Variants in SNAP29 observed in about 807,000 individuals in gnomAD.
SNAP29 encodes synaptosomal-associated protein 29.
In SNAP29, 13 loss-of-function variants were observed where a neutral mutation model predicts 27.9. That is an observed-to-expected ratio of 0.47 (90% CI 0.30 to 0.74). The LOEUF is 0.74. Among genes scored for constraint, SNAP29 ranks in the 30% least tolerant of loss-of-function variants. SNAP29 has a pLI of 0.06. For synonymous variants in SNAP29, 119 were observed against 127.1 expected (o/e 0.94, Z 0.43); for missense variants, 368 against 336.5 (o/e 1.09, Z -0.73).
Position 20,870,359 on chromosome 22 carries a change from T to A in SNAP29, c.260T>A (p.Val87Asp). 6.2e-6 allele frequency: 10 copies of A among 1,613,316 alleles called. No individual in the cohort carries two copies. The highest frequency in any genetic ancestry group is 8.5e-6 in the Non-Finnish European group (10 of 1,179,794). Residue 87 changes from valine to aspartate, a missense_variant, in exon 2 of 5, where the codon GTC (valine) becomes GAC (aspartate). Physicochemically the swap from Val to Asp is radical, Grantham distance 152. Coordinates refer to ENST00000215730, the MANE Select transcript of SNAP29 (RefSeq NM_004782.4). ...SSEELARQRG[V>D]LERTEKMVDK... The stretch of plus-strand genomic sequence containing the variant: ...CAGGAGCTCGCCCGTCAGCGAGGAG[T>A]CCTGGAGCGCACAGAGAAGATGGTG...
At chr22:20,870,641 T>C in intron 2 of SNAP29, 108 bp downstream of exon 2, 2 of 974,110 alleles carry the variant, frequency 2.1e-6, no homozygotes, top group South Asian at 2.8e-5. Context: ...CCAACAACCC[T>C]TTAAGTTACT....
rs565991534 is a variant in SNAP29 at position 20,884,186 on chromosome 22, A to G, written c.619+617A>G. On this transcript the variant is annotated intron_variant, in intron 4 of 4. Transcript: ENST00000215730. ...TGTCTCTACTAAAAATACAAAAATT[A>G]GCCGGGCGTGGTGGCAGGCGCCTGT... Among the ~76,000 whole-genome samples, 994 of 152,042 alleles carry G rather than the reference A, an allele frequency of 6.5e-3. 14 individuals carry two copies. The highest frequency in any genetic ancestry group is 0.023 in the African/African-American group (946 of 41,478).
Position 20,870,507 on chromosome 22 carries a change from C to T in SNAP29, c.408C>T (p.Gly136=), listed in dbSNP as rs760921766. The part of the protein sequence containing the change: ...KPVETPPEQN[G]TLTSQPNNRL... ...TAGAGACCCCACCTGAACAGAATGG[C>T]ACCCTCACCTCCCAGCCCAACAACA... Residue 136 remains glycine, a synonymous_variant, in exon 2 of 5, where the codon GGC becomes GGT. Coordinates refer to ENST00000215730, the MANE Select transcript of SNAP29 (RefSeq NM_004782.4). The T allele has an allele frequency of 6.2e-7, 1 of 1,614,096 alleles. No homozygotes were observed. Among genetic ancestry groups the T allele is most frequent in the Admixed American group, 1.7e-5 (1 of 60,004 alleles).
intron 3 of SNAP29, 21 bp from the exon 4 acceptor site, chr22:20,883,450 G>A: frequency 1.4e-6 from 2 of 1,459,112 alleles, no homozygotes; most frequent in Non-Finnish European, 1.9e-6. Flanking sequence ...CCGCTCTCCT[G>A]GTGTTTCCTT....
intron 3 of SNAP29, among the ~76,000 whole-genome samples, chr22:20,883,243 C>T (rs917652522): frequency 1.3e-5 from 2 of 152,146 alleles, no homozygotes; most frequent in Non-Finnish European, 2.9e-5. Context: ...GGTGTTTGAT[C>T]TCCCAAGTAC....
rs1569122227 is a variant in SNAP29, at chr22:20,888,342, CA to C, written c.*507del. 1 of 186,216 alleles carries C rather than the reference CA, an allele frequency of 5.4e-6. No individual in the cohort carries two copies. Among genetic ancestry groups the C allele is most frequent in the Non-Finnish European group, 1.0e-5 (1 of 95,674 alleles). The allele number at this position is 186,216 out of a possible 1,614,324, so 11.5% of individuals were successfully genotyped here. A position where few individuals can be genotyped will look rare whatever the true frequency, so the allele number is the denominator to read the frequency against. ...ACACACACACACACACACACACACACACACACACACACACTCTCTGAGCACA... is the reference window on the plus strand; with the variant it reads ...ACACACACACACACACACACACACACCACACACACACACTCTCTGAGCACA... On this transcript the variant is annotated 3_prime_UTR_variant, in exon 5 of 5. Transcript: ENST00000215730.
intron 2 of SNAP29, among the ~76,000 whole-genome samples, chr22:20,874,349 CCACACACACACACA>C (rs361854): frequency 0.36 from 43,712 of 123,012 alleles, 7,451 homozygotes; most frequent in Admixed American, 0.42. Context: ...CGAAAATTAG[CCACACACACACACA>C]CACACACACA....
chr22:20,867,594 T>G (rs902000361), intron 1 of SNAP29, among the ~76,000 whole-genome samples: 2 of 152,158 alleles, frequency 1.3e-5, no homozygotes, highest in African/African-American at 4.8e-5. Context: ...CCTCATGACC[T>G]CTGGTGAACA....
intron 2 of SNAP29, among the ~76,000 whole-genome samples, chr22:20,872,403 CTAATTCTTTTT>C (rs961247774): frequency 8.8e-6 from 1 of 114,284 alleles, no homozygotes; most frequent in African/African-American, 3.7e-5. Context: ...CCATGCCTGG[CTAATTCTTTTT>C]TTTTGAGACG....
chr22:20,874,349 CCACA>C (rs361854), intron 2 of SNAP29, among the ~76,000 whole-genome samples: 1,375 of 123,508 alleles, frequency 0.011, 23 homozygotes, highest in Middle Eastern at 0.016. Flanking sequence ...CGAAAATTAG[CCACA>C]CACACACACA....
chr22:20,862,129 A>G (rs943015493), intron 1 of SNAP29, among the ~76,000 whole-genome samples: 3 of 152,238 alleles, frequency 2.0e-5, no homozygotes, highest in South Asian at 2.1e-4. Context: ...CTGGATTCCT[A>G]TGTTCCATTC....
chr22:20,886,008 G>C (rs997631220), intron 4 of SNAP29, among the ~76,000 whole-genome samples: 1 of 152,170 alleles, frequency 6.6e-6, no homozygotes, highest in East Asian at 1.9e-4. Flanking sequence ...CTGGCTGCCA[G>C]TGAGCTTCCT....
At chr22:20,874,296 T>C (rs1047892513) in intron 2 of SNAP29, among the ~76,000 whole-genome samples, 1 of 142,446 alleles carries the variant, frequency 7.0e-6, no homozygotes, top group Non-Finnish European at 1.5e-5. Context: ...AGCAAGACTC[T>C]GACACACACA....
intron 1 of SNAP29, among the ~76,000 whole-genome samples, chr22:20,865,457 C>T (rs1309407516): frequency 1.3e-5 from 2 of 152,192 alleles, no homozygotes; most frequent in African/African-American, 4.8e-5. Context: ...GAGCTTCTGG[C>T]TTCTCCTTCC....
chr22:20,877,588 C>T (rs1213539895), intron 2 of SNAP29, among the ~76,000 whole-genome samples: 2 of 151,936 alleles, frequency 1.3e-5, no homozygotes, highest in Non-Finnish European at 2.9e-5. Flanking sequence ...TAGTGGCGCT[C>T]ACCTATAATC....
chr22:20,874,179 AAATGTGT>A (rs1555914182), intron 2 of SNAP29, among the ~76,000 whole-genome samples: 1 of 147,490 alleles, frequency 6.8e-6, no homozygotes, highest in Non-Finnish European at 1.5e-5. Context: ...GGAGGGTGAG[AAATGTGT>A]ATGGCGTGAA....
chr22:20,884,586 T>A (rs2147872908), intron 4 of SNAP29, among the ~76,000 whole-genome samples: 1 of 152,234 alleles, frequency 6.6e-6, no homozygotes, highest in South Asian at 2.1e-4. Context: ...TATGGCCTCC[T>A]CTCCCTGTCT....
chr22:20,887,685 T>G lies in SNAP29; in HGVS notation c.626T>G (p.Leu209Arg). 1 of 1,614,226 alleles carries G rather than the reference T, an allele frequency of 6.2e-7. No individual in the cohort carries two copies. Among genetic ancestry groups the G allele is most frequent in the South Asian group, 1.1e-5 (1 of 91,086 alleles). Residue 209 changes from leucine (L) to arginine (R), a missense_variant, in exon 5 of 5, where the codon CTG becomes CGG. Transcript: ENST00000215730. ...TCATTTCCTCCTCCTGCAGATGAGC[T>G]GTCCATGGGACTGGGTCGTCTGAAG... Reference protein sequence around the residue: ...HQKIDSNLDELSMGLGRLKDI... With the variant: ...HQKIDSNLDERSMGLGRLKDI...
At chr22:20,860,109 T>C (rs530359468) in intron 1 of SNAP29, among the ~76,000 whole-genome samples, 2 of 151,688 alleles carry the variant, frequency 1.3e-5, no homozygotes, top group Non-Finnish European at 2.9e-5. Context: ...CCCAGCACTT[T>C]GGGAGGCCTA....
Sources: gnomAD v4.1 joint callset for allele counts (sites outside exome capture counted in the v4.1 genomes callset) on GRCh38, gnomAD v4.1.1 for gene constraint, MANE v1.5 for transcripts, NCBI Gene and HGNC (gene_info 2026-07-23, HGNC 2026-07-21) for gene names.